Variants in SPG7 observed in about 807,000 individuals in gnomAD.
The protein encoded by SPG7 is SPG7 matrix AAA peptidase subunit, paraplegin, also known as mitochondrial inner membrane m-AAA protease component paraplegin.
A neutral mutation model predicts 81.9 loss-of-function variants in SPG7; 103 were observed. The observed-to-expected ratio is 1.26, with a 90% CI of 1.07 to 1.48. SPG7 has a LOEUF of 1.48. Among genes scored for constraint, SPG7 ranks in the 40% most tolerant of loss-of-function variants. SPG7 has a pLI of 0.00. For missense variants in SPG7, 1,241 were observed against 1,087.3 expected (o/e 1.14, Z -1.99); for synonymous variants, 534 against 444.2 (o/e 1.20, Z -2.54).
chr16:89,526,305 T>TC (rs757102352), intron 4 of SPG7, 24 bp from the exon 5 acceptor site: 2 of 1,613,512 alleles, frequency 1.2e-6, no homozygotes, highest in Non-Finnish European at 1.7e-6. Flanking sequence ...TTTCTCATGG[T>TC]CCCCTCTCCT....
intron 3 of SPG7, chr16:89,519,695 T>C (rs1386262571): frequency 6.6e-6 from 1 of 152,236 alleles, no homozygotes; most frequent in African/African-American, 2.4e-5. Context: ...GTTGCTAACA[T>C]TTTCACACAG....
At chr16:89,537,662 G>A in intron 9 of SPG7, 1 of 968,040 alleles carries the variant, frequency 1.0e-6, no homozygotes, top group Non-Finnish European at 1.2e-6. Flanking sequence ...CTCAAGGCTT[G>A]AGTCACCATG....
At chr16:89,526,555 C>A in intron 5 of SPG7, 87 bp downstream of exon 5, 1 of 1,478,074 alleles carries the variant, frequency 6.8e-7, no homozygotes, top group Non-Finnish European at 9.5e-7. Flanking sequence ...AAATCTCAAA[C>A]TGTCTTTGCC....
rs551451134 is a variant in SPG7, at chr16:89,538,367, A to T, written c.1324+5731A>T. The T allele has an allele frequency of 5.9e-5, 9 of 152,060 alleles. No homozygotes were observed. In the South Asian group the frequency reaches 1.0e-3, roughly 18 times the overall value. The allele number at this position is 152,060 out of a possible 1,614,324, so 9.4% of individuals were successfully genotyped here. ...GAGCCATTTAGAGAGCACGGGGGGA[A>T]ATTCTCCCAGGTCCAAGCAGAATGG... On this transcript the variant is annotated intron_variant, in intron 9 of 16. Coordinates refer to ENST00000645818, the MANE Select transcript of SPG7 (RefSeq NM_003119.4).
intron 3 of SPG7, among the ~76,000 whole-genome samples, chr16:89,515,724 T>TGTTG (rs1555610015): frequency 1.3e-5 from 2 of 149,142 alleles, no homozygotes; most frequent in East Asian, 4.1e-4. Context: ...TATTTTTTTT[T>TGTTG]TTGAGATGGG....
At chr16:89,531,132 A>T (rs568844022) in intron 7 of SPG7, 1 of 446,704 alleles carries the variant, frequency 2.2e-6, no homozygotes, top group Non-Finnish European at 4.2e-6. Context: ...GTGGCAGTGC[A>T]TGAGCTGCCT....
At position 89,510,384 on chromosome 16, in the gene SPG7, C is replaced by G. The variant is rs530021577; in HGVS notation, c.184-106C>G. ...ATATTTCAGGGCAATGTAGATATTA[C>G]AAATAATTATATATTTGAACTTTTA... On this transcript the variant is annotated intron_variant, in intron 1 of 16. Transcript: ENST00000645818. 39 of 702,668 alleles carry G rather than the reference C, an allele frequency of 5.6e-5. 1 individual carries two copies. Among genetic ancestry groups the G allele is most frequent in the Non-Finnish European group, 3.8e-5 (15 of 398,174 alleles). The allele number at this position is 702,668 out of a possible 1,614,324, so 43.5% of individuals were successfully genotyped here.
intron 16 of SPG7, 80 bp from the exon 17 acceptor site, chr16:89,556,807 G>T: frequency 4.4e-6 from 5 of 1,141,902 alleles, no homozygotes; most frequent in Non-Finnish European, 6.7e-6. Context: ...AGGCCCTCAC[G>T]CCTCTTGCCA....
At chr16:89,525,299 G>C (rs147949796) in intron 4 of SPG7, among the ~76,000 whole-genome samples, 137 of 152,302 alleles carry the variant, frequency 9.0e-4, no homozygotes, top group Non-Finnish European at 1.6e-3. Context: ...AGGAAACCTT[G>C]TTCTTAAAAT....
rs376812511 is a variant in SPG7 at position 89,526,293 on chromosome 16, C to T, written c.619-36C>T. 1.7e-5 allele frequency: 27 copies of T among 1,612,764 alleles called. No homozygotes were observed. In the East Asian group the frequency reaches 2.7e-4, roughly 16 times the overall value. Reference sequence around the variant, plus strand: ...CTGTAGGGTTGCTCGTCTGTCCCTGCGTTTCTCATGGTCCCCTCTCCTTTC... The same window carrying T: ...CTGTAGGGTTGCTCGTCTGTCCCTGTGTTTCTCATGGTCCCCTCTCCTTTC... On this transcript the variant is annotated intron_variant, in intron 4 of 16. Coordinates refer to ENST00000645818, the MANE Select transcript of SPG7 (RefSeq NM_003119.4).
intron 5 of SPG7, chr16:89,529,220 T>C (rs892730329): frequency 2.5e-5 from 14 of 554,114 alleles, no homozygotes; most frequent in African/African-American, 2.3e-4. Flanking sequence ...ACGTTGTTAT[T>C]GTCACAAGGC....
intron 7 of SPG7, chr16:89,531,082 T>C (rs2058335547): frequency 5.5e-6 from 3 of 548,892 alleles, no homozygotes; most frequent in East Asian, 6.4e-5. Flanking sequence ...TGCAAAGCTC[T>C]GTGCTTTTTC....
chr16:89,556,539 A>G (rs371753519), intron 16 of SPG7: 1 of 360,594 alleles, frequency 2.8e-6, no homozygotes, highest in South Asian at 2.7e-5. Flanking sequence ...TCCTTCTCCC[A>G]GTGCTGCTCT....
Position 89,540,805 on chromosome 16 carries a change from C to T in SPG7, c.1325-3843C>T, listed in dbSNP as rs558197488. ...CCCCGCATCCACCCTCCTGGGTGCT[C>T]ATCCCAGGAAAGCAAAGACTTAGGC... On this transcript the variant is annotated intron_variant, in intron 9 of 16. Transcript: ENST00000645818. 17 of 748,590 alleles carry T rather than the reference C, an allele frequency of 2.3e-5. No homozygotes were observed. The East Asian group carries it at 5.2e-4, about 23-fold the overall frequency. The allele number at this position is 748,590 out of a possible 1,614,324, so 46.4% of individuals were successfully genotyped here.
intron 8 of SPG7, 31 bp downstream of exon 8, chr16:89,532,097 G>T: frequency 6.2e-7 from 1 of 1,607,328 alleles, no homozygotes; most frequent in Non-Finnish European, 8.5e-7. Context: ...CTGTGGGTGG[G>T]CTTGGCTGAC....
chr16:89,548,785 C>T (rs1216767969), intron 12 of SPG7: 10 of 380,610 alleles, frequency 2.6e-5, no homozygotes, highest in Non-Finnish European at 5.3e-5. Context: ...AACACCCAGA[C>T]GTGATCAGTC....
intron 9 of SPG7, among the ~76,000 whole-genome samples, chr16:89,535,464 G>A (rs2058401049): frequency 6.6e-6 from 1 of 152,216 alleles, no homozygotes; most frequent in Non-Finnish European, 1.5e-5. Context: ...CACCTCTCCT[G>A]CTGCTTGTCC....
At chr16:89,512,627 A>G (rs547785455) in intron 2 of SPG7, among the ~76,000 whole-genome samples, 127 of 152,324 alleles carry the variant, frequency 8.3e-4, no homozygotes, top group South Asian at 1.9e-3. Flanking sequence ...AGTTCTTTTA[A>G]AGCAACTTCA....
chr16:89,536,452 G>A (rs1053021897), intron 9 of SPG7, among the ~76,000 whole-genome samples: 9 of 112,294 alleles, frequency 8.0e-5, no homozygotes, highest in Non-Finnish European at 1.1e-4. Flanking sequence ...GAGGACTCTC[G>A]GTGAGGCGGG....
Sources: allele counts gnomAD v4.1 joint callset (sites outside exome capture counted in the v4.1 genomes callset), GRCh38; gene constraint gnomAD v4.1.1; transcripts MANE v1.5; gene names NCBI Gene and HGNC (gene_info 2026-07-23, HGNC 2026-07-21).